The following PCDHGA3 variants were observed in gnomAD, a reference collection of about 807,000 sequenced individuals.
The protein encoded by PCDHGA3 is protocadherin gamma subfamily A, 3.
Under a neutral mutation model 58.5 loss-of-function variants are expected in PCDHGA3, and 40 were observed. The observed-to-expected ratio is 0.68, with a 90% confidence interval of 0.53 to 0.89. The LOEUF (loss-of-function observed/expected upper bound fraction) is 0.89, where lower values mean the gene tolerates loss of function less well. Ranked by LOEUF, PCDHGA3 falls within the 40% of genes least tolerant of loss-of-function variation. PCDHGA3 has a pLI of 0.00. For synonymous variants in PCDHGA3, 530 were observed against 525.7 expected (o/e 1.01, Z -0.11); for missense variants, 1,223 against 1,195.9 (o/e 1.02, Z -0.33).
chr5:141,350,963 A>G (rs771173286), intron 1 of PCDHGA3: 1 of 1,614,094 alleles, frequency 6.2e-7, no homozygotes, highest in South Asian at 1.1e-5. Context: ...TGCCAATGAT[A>G]ATGCTCCCGT....
At chr5:141,415,176 C>G (rs773987499) in intron 1 of PCDHGA3, 17 of 1,613,816 alleles carry the variant, frequency 1.1e-5, no homozygotes, top group Non-Finnish European at 5.1e-6. Flanking sequence ...TCACCGTGGC[C>G]GTGGCCGACA....
At chr5:141,399,289 T>C (rs755445485) in intron 1 of PCDHGA3, 1 of 1,613,918 alleles carries the variant, frequency 6.2e-7, no homozygotes, top group Admixed American at 1.7e-5. Context: ...CGAAGTCCCT[T>C]TTAAGATTAT....
At chr5:141,416,186 T>G (rs904230611) in intron 1 of PCDHGA3, 2 of 152,474 alleles carry the variant, frequency 1.3e-5, no homozygotes, top group African/African-American at 4.8e-5. Flanking sequence ...TTCATTAATA[T>G]TGAATTAACA....
At chr5:141,372,414 G>C (rs1290805149) in intron 1 of PCDHGA3, 1 of 1,613,910 alleles carries the variant, frequency 6.2e-7, no homozygotes, top group African/African-American at 1.3e-5. Flanking sequence ...GATACAACCT[G>C]ACCTTAGCGA....
chr5:141,370,623 G>A (rs1269464778), intron 1 of PCDHGA3: 3 of 1,613,940 alleles, frequency 1.9e-6, no homozygotes, highest in East Asian at 2.2e-5. Flanking sequence ...ATTCTTTACC[G>A]TGAGCCCCGA....
Position 141,431,962 on chromosome 5 carries a change from C to G in PCDHGA3, c.2425-62845C>G. 1.2e-6 allele frequency: 2 copies of G among 1,614,190 alleles called. No homozygotes were observed. Among genetic ancestry groups the G allele is most frequent in the South Asian group, 2.2e-5 (2 of 91,086 alleles). ...AATTAGAAAAATCTTACGGAAATTACTATAGTTTAGTCACAGACATAGTCT... is the reference window on the plus strand; with the variant it reads ...AATTAGAAAAATCTTACGGAAATTAGTATAGTTTAGTCACAGACATAGTCT... On this transcript the variant is annotated intron_variant, in intron 1 of 3. Transcript: ENST00000253812. The surrounding 1 kb of genome is among the most constrained non-coding windows in gnomAD (Gnocchi z 4.8).
rs1455759096 is a variant in PCDHGA3, at chr5:141,489,539, C to T, written c.2425-5268C>T. 6.2e-7 allele frequency: 1 copy of T among 1,613,980 alleles called. No individual in the cohort carries two copies. Among genetic ancestry groups the T allele is most frequent in the African/African-American group, 1.3e-5 (1 of 74,912 alleles). On this transcript the variant is annotated intron_variant, in intron 1 of 3. Coordinates refer to ENST00000253812, the MANE Select transcript of PCDHGA3 (RefSeq NM_018916.4). This position sits in a 1 kb window ranked among gnomAD's most constrained non-coding sequence, Gnocchi z 4.5. Reference sequence around the variant, plus strand: ...CGAGAAAGCCTATGTGGAGCCAGCACCAGCTGCCTGCTGCCAGTGCAGGTG... The same window carrying T: ...CGAGAAAGCCTATGTGGAGCCAGCATCAGCTGCCTGCTGCCAGTGCAGGTG...
rs1561487249 is a variant in PCDHGA3, at chr5:141,344,150, A to G, written c.117A>G (p.Leu39=). The G allele has an allele frequency of 6.2e-7, 1 of 1,614,042 alleles. No individual in the cohort carries two copies. The highest frequency in any genetic ancestry group is 8.5e-7 in the Non-Finnish European group (1 of 1,179,892). ...GQIRYSVSEE[L]DKGSFVGNIA... is the part of the protein sequence containing the mutation. ...TCCGCTACTCGGTGTCTGAGGAGCT[A>G]GATAAAGGTTCCTTCGTGGGCAACA... Residue 39 remains leucine, a synonymous_variant, in exon 1 of 4, where the codon CTA becomes CTG. Transcript: ENST00000253812.
At chr5:141,365,190 A>C (rs1188827131) in intron 1 of PCDHGA3, 1 of 1,613,890 alleles carries the variant, frequency 6.2e-7, no homozygotes, top group South Asian at 1.1e-5. Context: ...GAAGAAGAAA[A>C]AATTTCGGAG....
intron 1 of PCDHGA3, among the ~76,000 whole-genome samples, chr5:141,463,316 T>A (rs1290852110): frequency 1.3e-5 from 2 of 151,806 alleles, no homozygotes; most frequent in African/African-American, 2.4e-5. Flanking sequence ...TAATATCTAT[T>A]CCTCAACTCA....
intron 1 of PCDHGA3, chr5:141,352,540 G>C: frequency 6.2e-7 from 1 of 1,613,980 alleles, no homozygotes. Context: ...CAAAGACAGA[G>C]TTTAATTCTC....
chr5:141,440,373 G>A (rs866892003), intron 1 of PCDHGA3: 2 of 152,214 alleles, frequency 1.3e-5, no homozygotes, highest in Non-Finnish European at 2.9e-5. Context: ...GGCCGAGGCA[G>A]GAGAATCGCT....
At chr5:141,348,065 T>A (rs1333454037) in intron 1 of PCDHGA3, among the ~76,000 whole-genome samples, 1 of 152,242 alleles carries the variant, frequency 6.6e-6, no homozygotes, top group Non-Finnish European at 1.5e-5. Flanking sequence ...TTTGTCATGT[T>A]CTACAACTTT....
At chr5:141,364,781 C>A in intron 1 of PCDHGA3, 1 of 1,613,988 alleles carries the variant, frequency 6.2e-7, no homozygotes, top group Non-Finnish European at 8.5e-7. Context: ...TGCAGGGACA[C>A]GGTTAGTGCT....
chr5:141,351,740 C>G, intron 1 of PCDHGA3: 1 of 1,613,690 alleles, frequency 6.2e-7, no homozygotes, highest in Non-Finnish European at 8.5e-7. Context: ...TGACCTGGAG[C>G]CGCGGGAGCT....
intron 1 of PCDHGA3, chr5:141,398,187 C>G (rs1329117309): frequency 5.8e-5 from 86 of 1,481,250 alleles, no homozygotes; most frequent in Non-Finnish European, 7.6e-5. Context: ...TCTTTCTCTT[C>G]CTGCTGTCTT....
rs372065725 is a variant in PCDHGA3 at position 141,371,830 on chromosome 5, C to G, written c.2424+25373C>G. On this transcript the variant is annotated intron_variant, in intron 1 of 3. Coordinates refer to ENST00000253812, the MANE Select transcript of PCDHGA3 (RefSeq NM_018916.4). ...ATTGCGCATGTCAGAGCCTCGGATC[C>G]CGACTTGGGACCTAATGGCCTTGTC... 51 of 1,613,696 alleles carry G rather than the reference C, an allele frequency of 3.2e-5. No homozygotes were observed. Among genetic ancestry groups the G allele is most frequent in the Non-Finnish European group, 4.0e-5 (47 of 1,179,912 alleles).
chr5:141,399,704 T>A, intron 1 of PCDHGA3: 1 of 1,613,424 alleles, frequency 6.2e-7, no homozygotes, highest in Non-Finnish European at 8.5e-7. Context: ...ACCTTCGAAC[T>A]CACACTACAG....
chr5:141,376,016 G>A, intron 1 of PCDHGA3: 7 of 1,613,318 alleles, frequency 4.3e-6, no homozygotes, highest in Non-Finnish European at 5.9e-6. Flanking sequence ...CCTAGTGGTG[G>A]CCGTCCAGGA....
Sources: gnomAD v4.1 joint callset for allele counts (sites outside exome capture counted in the v4.1 genomes callset) on GRCh38, gnomAD v4.1.1 for gene constraint, Gnocchi (gnomAD v3.1) non-coding constraint, MANE v1.5 for transcripts, NCBI Gene and HGNC (gene_info 2026-07-23, HGNC 2026-07-21) for gene names.